B4GALT1: variants seen among roughly 807,000 people sequenced by gnomAD.
The protein encoded by B4GALT1 is beta-1,4-galactosyltransferase 1.
Under a neutral mutation model 34.9 loss-of-function variants are expected in B4GALT1, and 16 were observed. The observed-to-expected ratio is 0.46, with a 90% confidence interval of 0.31 to 0.70. The LOEUF is 0.70. B4GALT1 is among the 30% of genes least tolerant of loss of function. The probability of loss-of-function intolerance (pLI) is 0.05; values close to 1 mark genes in which losing one functional copy is unlikely to be tolerated. For missense variants in B4GALT1, 445 were observed against 530.5 expected (o/e 0.84, Z 1.58); for synonymous variants, 221 against 218.1 (o/e 1.01, Z -0.12).
intron 1 of B4GALT1, among the ~76,000 whole-genome samples, chr9:33,156,233 A>C (rs1000620519): frequency 6.6e-6 from 1 of 152,038 alleles, no homozygotes; most frequent in African/African-American, 2.4e-5. Flanking sequence ...TCCCAGGTTC[A>C]AGCCATTCTC....
the B4GALT1 span, among the ~76,000 whole-genome samples, chr9:33,176,240 G>A: frequency 3.7e-4 from 57 of 152,236 alleles, no homozygotes; most frequent in African/African-American, 1.3e-3. Context: ...CTGGGTACCC[G>A]GTGTGCTCTT....
chr9:33,113,599 G>C lies in B4GALT1; in HGVS notation c.1065-13C>G. The C allele has an allele frequency of 6.2e-7, 1 of 1,614,196 alleles. No individual in the cohort carries two copies. Among genetic ancestry groups the C allele is most frequent in the Non-Finnish European group, 8.5e-7 (1 of 1,180,030 alleles). Reference sequence around the variant, plus strand: ...AATTCGGTCAAACCTACAAGGAAAAGAGCACAAGGAGATTGTCTTAAAACA... The same window carrying C: ...AATTCGGTCAAACCTACAAGGAAAACAGCACAAGGAGATTGTCTTAAAACA... On this transcript the variant is annotated splice_polypyrimidine_tract_variant and intron_variant, in intron 5 of 5. Coordinates refer to ENST00000379731, the MANE Select transcript of B4GALT1 (RefSeq NM_001497.4).
chr9:33,166,948 G>A lies in B4GALT1; in HGVS notation c.222C>T (p.Ser74=), dbSNP rs745999824. Residue 74 remains serine (S), a synonymous_variant, in exon 1 of 6, where the codon TCC becomes TCT. Coordinates refer to ENST00000379731, the MANE Select transcript of B4GALT1 (RefSeq NM_001497.4). ...GGGCCCCTCCGGTCCGGAGCTCCCC[G>A]GAGGACTGCCCGATGGCGGCGGCAC... ...SNSAAAIGQS[S]GELRTGGARP... is the part of the protein sequence containing the mutation. 4 of 1,575,704 alleles carry A rather than the reference G, an allele frequency of 2.5e-6. No homozygotes were observed. The highest frequency in any genetic ancestry group is 4.6e-5 in the East Asian group (2 of 43,836).
downstream of B4GALT1, among the ~76,000 whole-genome samples, chr9:33,107,370 A>G (rs1839805523): frequency 1.3e-5 from 2 of 152,196 alleles, no homozygotes; most frequent in Non-Finnish European, 2.9e-5. Context: ...GATATGTGGC[A>G]GAAACTTGGT....
intron 1 of B4GALT1, among the ~76,000 whole-genome samples, chr9:33,152,675 A>T (rs552961881): frequency 3.3e-5 from 5 of 152,172 alleles, no homozygotes; most frequent in Non-Finnish European, 5.9e-5. Context: ...CCAGTTTGAA[A>T]CCAGCCTGGC....
intron 2 of B4GALT1, among the ~76,000 whole-genome samples, chr9:33,127,998 C>T (rs1452365541): frequency 6.6e-6 from 1 of 152,118 alleles, no homozygotes; most frequent in Non-Finnish European, 1.5e-5. Flanking sequence ...CCAGCAGGGC[C>T]CTGGCTCTGG....
intron 1 of B4GALT1, among the ~76,000 whole-genome samples, chr9:33,150,233 T>TACACACACACACACAC (rs10701535): frequency 2.9e-5 from 4 of 138,132 alleles, no homozygotes; most frequent in Non-Finnish European, 3.1e-5. Flanking sequence ...TACAGGTAGA[T>TACACACACACACACAC]ACACACACAC....
intron 2 of B4GALT1, among the ~76,000 whole-genome samples, chr9:33,121,524 G>A (rs1317636727): frequency 8.4e-6 from 1 of 119,282 alleles, no homozygotes; most frequent in Non-Finnish European, 1.7e-5. Context: ...CACCATGCCC[G>A]GCTTTTTTTT....
At chr9:33,162,776 G>T (rs1344069477) in intron 1 of B4GALT1, among the ~76,000 whole-genome samples, 1 of 152,228 alleles carries the variant, frequency 6.6e-6, no homozygotes, top group African/African-American at 2.4e-5. Flanking sequence ...ACTGCAGGTG[G>T]AGGCGGTGCC....
chr9:33,152,298 C>T (rs1404808224), intron 1 of B4GALT1, among the ~76,000 whole-genome samples: 2 of 147,548 alleles, frequency 1.4e-5, no homozygotes, highest in Admixed American at 7.0e-5. Flanking sequence ...AGCAAGACTC[C>T]CTCTCCAAAA....
chr9:33,156,699 T>C (rs1211578886), intron 1 of B4GALT1, among the ~76,000 whole-genome samples: 1 of 152,202 alleles, frequency 6.6e-6, no homozygotes, highest in Non-Finnish European at 1.5e-5. Flanking sequence ...TAGAAGTTCA[T>C]CCACATGAGT....
chr9:33,162,113 A>G (rs1383821329), intron 1 of B4GALT1, among the ~76,000 whole-genome samples: 1 of 152,188 alleles, frequency 6.6e-6, no homozygotes, highest in Non-Finnish European at 1.5e-5. Flanking sequence ...AAAGACCATA[A>G]TACCCAGTGA....
At chr9:33,164,777 G>A (rs1840723476) in intron 1 of B4GALT1, among the ~76,000 whole-genome samples, 1 of 152,022 alleles carries the variant, frequency 6.6e-6, no homozygotes, top group Non-Finnish European at 1.5e-5. Context: ...TTCTTTCTGT[G>A]CAATATCCAG....
the B4GALT1 span, among the ~76,000 whole-genome samples, chr9:33,172,683 C>T: frequency 9.8e-3 from 1,486 of 152,208 alleles, 23 homozygotes; most frequent in African/African-American, 0.034. Flanking sequence ...GCCTTTAATC[C>T]CAGTGCTTTG....
rs201839344 is a variant in B4GALT1 at position 33,113,533 on chromosome 9, G to A, written c.1118C>T (p.Ser373Leu). Residue 373 changes from serine (S) to leucine (L), a missense_variant, in exon 6 of 6, where the codon TCA (serine) becomes TTA (leucine). Ser to Leu is a moderately radical substitution (Grantham distance 145, BLOSUM62 -2). Transcript: ENST00000379731. ...KETMLSDGLN[S>L]LTYQVLDVQR... is the part of the protein sequence containing the mutation. ...TACATCCAGCACCTGGTAGGTGAGTGAGTTCAAACCATCAGAGAGCATTGT... is the reference window on the plus strand; with the variant it reads ...TACATCCAGCACCTGGTAGGTGAGTAAGTTCAAACCATCAGAGAGCATTGT... 3.1e-6 allele frequency: 5 copies of A among 1,614,250 alleles called. No homozygotes were observed. Among genetic ancestry groups the A allele is most frequent in the African/African-American group, 2.7e-5 (2 of 75,062 alleles).
At chr9:33,165,532 A>G (rs554062717) in intron 1 of B4GALT1, among the ~76,000 whole-genome samples, 12 of 152,334 alleles carry the variant, frequency 7.9e-5, no homozygotes, top group African/African-American at 2.6e-4. Flanking sequence ...CGTCTGACCA[A>G]TTCCAAGATG....
At chr9:33,132,773 C>T (rs1347657465) in intron 2 of B4GALT1, among the ~76,000 whole-genome samples, 1 of 152,228 alleles carries the variant, frequency 6.6e-6, no homozygotes, top group African/African-American at 2.4e-5. Flanking sequence ...TTCACCTAAA[C>T]TGCAACATAT....
At chr9:33,109,501 T>C (rs975711242), downstream of B4GALT1, among the ~76,000 whole-genome samples, 1 of 152,228 alleles carries the variant, frequency 6.6e-6, no homozygotes, top group Non-Finnish European at 1.5e-5. Flanking sequence ...AGCTGGTTGG[T>C]CAGAAGTATA....
Position 33,113,158 on chromosome 9 carries a change from C to A in B4GALT1, c.*296G>T. ...CAATTCTATCACCGGGAATGTGTTCCACGGCCACCAAATTTTGGGATGTGT... is the reference window on the plus strand; with the variant it reads ...CAATTCTATCACCGGGAATGTGTTCAACGGCCACCAAATTTTGGGATGTGT... On this transcript the variant is annotated 3_prime_UTR_variant, in exon 6 of 6. Coordinates refer to ENST00000379731, the MANE Select transcript of B4GALT1 (RefSeq NM_001497.4). 1 of 437,732 alleles carries A rather than the reference C, an allele frequency of 2.3e-6. No individual in the cohort carries two copies. Among genetic ancestry groups the A allele is most frequent in the East Asian group, 4.3e-5 (1 of 23,200 alleles). 27.1% of individuals were successfully genotyped at this position (437,732 alleles called of 1,614,324 possible).
Sources: gnomAD v4.1 joint callset for allele counts (sites outside exome capture counted in the v4.1 genomes callset) on GRCh38, gnomAD v4.1.1 for gene constraint, MANE v1.5 for transcripts, NCBI Gene and HGNC (gene_info 2026-07-23, HGNC 2026-07-21) for gene names.